The following ADAP1 variants were observed in gnomAD, a reference collection of about 807,000 sequenced individuals.
The protein encoded by ADAP1 is ArfGAP with dual PH domains 1, also known as arf-GAP with dual PH domain-containing protein 1.
In ADAP1, 31 loss-of-function variants were observed where a neutral mutation model predicts 54.9. The observed-to-expected ratio is 0.56, with a 90% CI of 0.42 to 0.76. ADAP1 has a LOEUF of 0.76. Ranked by LOEUF, ADAP1 falls within the 30% of genes least tolerant of loss-of-function variation. ADAP1 has a pLI of 0.00. For missense variants in ADAP1, 535 were observed against 512.4 expected (o/e 1.04, Z -0.42); for synonymous variants, 313 against 202.6 (o/e 1.55, Z -4.63).
intron 4 of ADAP1, among the ~76,000 whole-genome samples, chr7:907,620 T>C (rs1845527383): frequency 6.6e-6 from 1 of 152,156 alleles, no homozygotes; most frequent in African/African-American, 2.4e-5. Context: ...GTTCCTATCG[T>C]TGCCCGTCCT....
At chr7:936,586 C>T (rs1175615993) in intron 1 of ADAP1, among the ~76,000 whole-genome samples, 3 of 152,228 alleles carry the variant, frequency 2.0e-5, no homozygotes, top group Admixed American at 1.3e-4. Context: ...CGCCCTGGGG[C>T]GATGGCTAAG....
intron 2 of ADAP1, among the ~76,000 whole-genome samples, chr7:928,320 C>CA (rs1422825776): frequency 6.6e-6 from 1 of 152,138 alleles, no homozygotes; most frequent in Non-Finnish European, 1.5e-5. Context: ...GCTATGGTTA[C>CA]ACCACTGCAC....
At chr7:924,201 GCACCCCCCGCCCTCCA>G (rs1221874595) in intron 3 of ADAP1, among the ~76,000 whole-genome samples, 1 of 91,798 alleles carries the variant, frequency 1.1e-5, no homozygotes, top group East Asian at 6.4e-4. Context: ...AGTTCACGCT[GCACCCCCCGCCCTCCA>G]GGTTACACAG....
intron 4 of ADAP1, among the ~76,000 whole-genome samples, chr7:915,976 C>G (rs982615017): frequency 2.0e-5 from 3 of 152,174 alleles, no homozygotes; most frequent in African/African-American, 7.2e-5. Context: ...CCACTGCCCA[C>G]GAGACACTGT....
intron 3 of ADAP1, among the ~76,000 whole-genome samples, chr7:921,112 G>A (rs1303682238): frequency 6.6e-6 from 1 of 152,190 alleles, no homozygotes; most frequent in Non-Finnish European, 1.5e-5. Flanking sequence ...CGGTCACGGA[G>A]GCCAAACGTC....
At chr7:914,151 A>G (rs35788524) in intron 4 of ADAP1, among the ~76,000 whole-genome samples, 67,443 of 151,990 alleles carry the variant, frequency 0.44, 15,848 homozygotes, top group East Asian at 0.63. Context: ...CACAGCCTCT[A>G]GGAGTTCTTG....
intron 4 of ADAP1, among the ~76,000 whole-genome samples, chr7:909,521 C>A (rs951159658): frequency 6.6e-6 from 1 of 152,254 alleles, no homozygotes; most frequent in African/African-American, 2.4e-5. Context: ...CGGTCCCGGA[C>A]GCGCCCCACG....
chr7:946,225 C>A lies in ADAP1; in HGVS notation c.82+8171G>T. Among the ~76,000 whole-genome samples, 1 of 152,268 alleles carries A rather than the reference C, an allele frequency of 6.6e-6. No individual in the cohort carries two copies. The highest frequency in any genetic ancestry group is 1.5e-5 in the Non-Finnish European group (1 of 68,012). On this transcript the variant is annotated intron_variant, in intron 1 of 10. Coordinates refer to ENST00000265846, the MANE Select transcript of ADAP1 (RefSeq NM_006869.4). The surrounding 1 kb of genome is among the most constrained non-coding windows in gnomAD (Gnocchi z 4.3). ...TTCCGCATATTGTCTCCCAGTTACC[C>A]GTGGCCCCTGCAGGGATCCAGGCTC... is the stretch of plus-strand genomic sequence containing the variant.
chr7:909,073 C>T (rs565857800), intron 4 of ADAP1, among the ~76,000 whole-genome samples: 1 of 152,164 alleles, frequency 6.6e-6, no homozygotes, highest in African/African-American at 2.4e-5. Flanking sequence ...CCTCTGCACG[C>T]GCGCAGCTGC....
rs1192201638 is a variant in ADAP1, at chr7:954,587, G to T, written c.-110C>A. 4.1e-6 allele frequency: 4 copies of T among 985,426 alleles called. No individual in the cohort carries two copies. The highest frequency in any genetic ancestry group is 4.5e-5 in the South Asian group (1 of 22,080). The allele number at this position is 985,426 out of a possible 1,614,324, so 61.0% of individuals were successfully genotyped here. On this transcript the variant is annotated 5_prime_UTR_variant, in exon 1 of 11. Coordinates refer to ENST00000265846, the MANE Select transcript of ADAP1 (RefSeq NM_006869.4). ...GCCGCCGCCGCCCCTGCGCCATCCC[G>T]GGCGGCCTCAGCCCGCGCGCCGGTT...
intron 1 of ADAP1, among the ~76,000 whole-genome samples, chr7:953,424 G>A (rs1391854187): frequency 1.3e-5 from 2 of 152,188 alleles, no homozygotes; most frequent in Non-Finnish European, 2.9e-5. Context: ...TTTTTCCGGG[G>A]TGTCCAGAGG....
intron 4 of ADAP1, among the ~76,000 whole-genome samples, chr7:913,444 G>A (rs886856226): frequency 5.9e-5 from 9 of 151,714 alleles, no homozygotes; most frequent in East Asian, 2.0e-4. Flanking sequence ...CTCGTGATCC[G>A]CCTGCCTCAG....
chr7:952,740 G>A (rs796814908), intron 1 of ADAP1, among the ~76,000 whole-genome samples: 12 of 152,280 alleles, frequency 7.9e-5, no homozygotes, highest in African/African-American at 2.2e-4. Flanking sequence ...GGCGCTACCC[G>A]ACAGAGGAGA....
chr7:946,930 G>A lies in ADAP1; in HGVS notation c.82+7466C>T, dbSNP rs865816939. Among the ~76,000 whole-genome samples the A allele has an allele frequency of 3.3e-5, 5 of 152,322 alleles. No homozygotes were observed. In the South Asian group the frequency reaches 6.2e-4, roughly 19 times the overall value. On this transcript the variant is annotated intron_variant, in intron 1 of 10. Transcript: ENST00000265846. The surrounding 1 kb of genome is among the most constrained non-coding windows in gnomAD (Gnocchi z 4.3). ...GTGAACGGGTGGAGCCCAGGAGTTC[G>A]AGACCAGCCTGGGCAACATAGTGAG... is the stretch of plus-strand genomic sequence containing the variant.
Position 920,148 on chromosome 7 carries a change from A to C in ADAP1, c.306-98T>G. On this transcript the variant is annotated intron_variant, in intron 3 of 10. Coordinates refer to ENST00000265846, the MANE Select transcript of ADAP1 (RefSeq NM_006869.4). This position sits in a 1 kb window ranked among gnomAD's most constrained non-coding sequence, Gnocchi z 4.5. ...GGACCCTGGACATCTCAAGAGGCTCATAGGGACCCCCGGCAGACTCGAGCC... is the reference window on the plus strand; with the variant it reads ...GGACCCTGGACATCTCAAGAGGCTCCTAGGGACCCCCGGCAGACTCGAGCC... The C allele has an allele frequency of 4.0e-5, 44 of 1,099,088 alleles. No homozygotes were observed. The highest frequency in any genetic ancestry group is 5.3e-5 in the Non-Finnish European group (40 of 760,210). The allele number at this position is 1,099,088 out of a possible 1,614,324, so 68.1% of individuals were successfully genotyped here. A position where few individuals can be genotyped will look rare whatever the true frequency, so the allele number is the denominator to read the frequency against.
At chr7:910,423 T>C (rs1845676733) in intron 4 of ADAP1, among the ~76,000 whole-genome samples, 1 of 152,184 alleles carries the variant, frequency 6.6e-6, no homozygotes, top group South Asian at 2.1e-4. Context: ...CTAAGTTCTG[T>C]ATTTTTTTGT....
intron 1 of ADAP1, among the ~76,000 whole-genome samples, chr7:940,287 G>C (rs745311254): frequency 6.6e-6 from 1 of 151,034 alleles, no homozygotes; most frequent in East Asian, 1.9e-4. Flanking sequence ...GCAGTGAGCC[G>C]AGATGGCACG....
At chr7:941,395 T>C (rs1846935752) in intron 1 of ADAP1, among the ~76,000 whole-genome samples, 1 of 152,196 alleles carries the variant, frequency 6.6e-6, no homozygotes, top group Non-Finnish European at 1.5e-5. Flanking sequence ...AACATGATTG[T>C]CTATGTAGAA....
In ADAP1 at chr7:946,518, T is replaced by C. The variant is rs943066972; in HGVS notation, c.82+7878A>G. The stretch of plus-strand genomic sequence containing the variant: ...CAGCAGCACCCGGACACAGTCCATT[T>C]TCAGAATCCCCCAAGGACCCCCCCA... On this transcript the variant is annotated intron_variant, in intron 1 of 10. Transcript: ENST00000265846. The surrounding 1 kb of genome is among the most constrained non-coding windows in gnomAD (Gnocchi z 4.3). Among the ~76,000 whole-genome samples the C allele has an allele frequency of 6.6e-6, 1 of 152,134 alleles. No homozygotes were observed. Among genetic ancestry groups the C allele is most frequent in the Non-Finnish European group, 1.5e-5 (1 of 68,014 alleles).
Sources: gnomAD v4.1 joint callset for allele counts (sites outside exome capture counted in the v4.1 genomes callset) on GRCh38, gnomAD v4.1.1 for gene constraint, Gnocchi (gnomAD v3.1) non-coding constraint, MANE v1.5 for transcripts, NCBI Gene and HGNC (gene_info 2026-07-23, HGNC 2026-07-21) for gene names.